Variants in BTBD2 observed in about 807,000 individuals in gnomAD.
BTBD2 encodes the protein BTB/POZ domain-containing protein 2.
BTBD2 carries 15 observed loss-of-function variants against 44.0 expected under a neutral mutation model. The observed-to-expected ratio is 0.34, with a 90% CI of 0.23 to 0.53. The LOEUF (loss-of-function observed/expected upper bound fraction) is 0.53, where lower values mean the gene tolerates loss of function less well. Among genes scored for constraint, BTBD2 ranks in the 20% least tolerant of loss-of-function variants. The pLI, the probability that BTBD2 is intolerant of heterozygous loss-of-function variation, is 0.95. For synonymous variants in BTBD2, 443 were observed against 335.9 expected (o/e 1.32, Z -3.49); for missense variants, 657 against 746.4 (o/e 0.88, Z 1.39).
chr19:1,987,936 G>T (rs2016116079), intron 5 of BTBD2: 2 of 532,088 alleles, frequency 3.8e-6, no homozygotes, highest in Non-Finnish European at 6.7e-6. Context: ...ATGCCTCAGG[G>T]TCTGACAGAT....
intron 1 of BTBD2, among the ~76,000 whole-genome samples, chr19:2,009,959 GC>G (rs1468816824): frequency 6.6e-6 from 1 of 151,974 alleles, no homozygotes; most frequent in Non-Finnish European, 1.5e-5. Flanking sequence ...TTTGAGACTA[GC>G]CCGGCTAACA....
chr19:1,987,469 C>T (rs372507359), intron 6 of BTBD2, 31 bp downstream of exon 6: 44 of 1,524,778 alleles, frequency 2.9e-5, no homozygotes, highest in Admixed American at 6.0e-5. Flanking sequence ...CCCCCATGTC[C>T]GGACCCCCCC....
intron 1 of BTBD2, among the ~76,000 whole-genome samples, chr19:2,010,083 C>T (rs2016445004): frequency 6.6e-6 from 1 of 151,184 alleles, no homozygotes; most frequent in South Asian, 2.1e-4. Context: ...ACCTGGGAGG[C>T]GGAGCTTGCA....
chr19:2,003,313 A>G (rs2016352908), intron 1 of BTBD2: 1 of 151,958 alleles, frequency 6.6e-6, no homozygotes, highest in Admixed American at 6.6e-5. Flanking sequence ...CTCTGCTAAA[A>G]AAGTACAAAA....
Position 1,997,672 on chromosome 19 carries a change from A to C in BTBD2, c.408-209T>G, listed in dbSNP as rs2016269246. Among the ~76,000 whole-genome samples the C allele has an allele frequency of 2.0e-5, 3 of 152,326 alleles. No individual in the cohort carries two copies. The South Asian group carries it at 6.2e-4, about 32-fold the overall frequency. ...AGACGGACCCACGGCAAGGACAGGC[A>C]GGGCTAGGACCATGCCCTGGGCCAC... On this transcript the variant is annotated intron_variant, in intron 1 of 8. Coordinates refer to ENST00000255608, the MANE Select transcript of BTBD2 (RefSeq NM_017797.4).
rs150029711 is a variant in BTBD2, at chr19:2,002,439, C to T, written c.408-4976G>A. On this transcript the variant is annotated intron_variant, in intron 1 of 8. Transcript: ENST00000255608. Reference sequence around the variant, plus strand: ...AGCTCAAGGACGGAGATGTGGGACTCCTGATTTTAGTCAGAGAGAAGTGTG... The same window carrying T: ...AGCTCAAGGACGGAGATGTGGGACTTCTGATTTTAGTCAGAGAGAAGTGTG... The T allele has an allele frequency of 3.3e-5, 5 of 152,294 alleles. No homozygotes were observed. In the East Asian group the frequency reaches 9.6e-4, roughly 29 times the overall value. The allele number at this position is 152,294 out of a possible 1,614,324, so 9.4% of individuals were successfully genotyped here.
At chr19:2,012,390 T>C (rs572138601) in intron 1 of BTBD2, among the ~76,000 whole-genome samples, 4 of 151,966 alleles carry the variant, frequency 2.6e-5, no homozygotes, top group East Asian at 1.9e-4. Context: ...GACCTCGTGA[T>C]CTGCCCGCCT....
chr19:1,987,808 A>T lies in BTBD2; in HGVS notation c.989-116T>A, dbSNP rs2016113924. 6.3e-6 allele frequency: 7 copies of T among 1,108,136 alleles called. No homozygotes were observed. The South Asian group carries it at 1.1e-4, about 18-fold the overall frequency. The allele number at this position is 1,108,136 out of a possible 1,614,324, so 68.6% of individuals were successfully genotyped here. ...TGCGTCGGACTTTCAAGGTGCAGGG[A>T]CCTGGGCAGCCCCTCCCCGGGGGAC... On this transcript the variant is annotated intron_variant, in intron 5 of 8. Coordinates refer to ENST00000255608, the MANE Select transcript of BTBD2 (RefSeq NM_017797.4).
intron 1 of BTBD2, 67 bp from the exon 2 acceptor site, chr19:1,997,530 C>G (rs2016267709): frequency 1.3e-6 from 2 of 1,597,810 alleles, no homozygotes; most frequent in Non-Finnish European, 1.7e-6. Context: ...GAGGGCCAGC[C>G]CGGTATCCTG....
intron 1 of BTBD2, among the ~76,000 whole-genome samples, chr19:2,000,272 G>A (rs971489931): frequency 1.8e-4 from 27 of 148,690 alleles, no homozygotes; most frequent in Non-Finnish European, 2.9e-4. Context: ...CAGGCCTCAG[G>A]GCCCTGCGCC....
At chr19:1,998,641 A>G (rs766243209) in intron 1 of BTBD2, among the ~76,000 whole-genome samples, 25 of 152,090 alleles carry the variant, frequency 1.6e-4, no homozygotes, top group Non-Finnish European at 3.2e-4. Flanking sequence ...GCGTTTGGCC[A>G]GGTCTGTATG....
At chr19:1,989,867 GGTTTCTTCCTATCT>G in intron 5 of BTBD2, 123 bp downstream of exon 5, 1 of 1,021,688 alleles carries the variant, frequency 9.8e-7, no homozygotes, top group Non-Finnish European at 1.4e-6. Context: ...TCACAAGCCA[GGTTTCTTCCTATCT>G]GTATATGCCA....
chr19:2,015,643 C>A lies in BTBD2; in HGVS notation c.61G>T (p.Gly21Cys). The stretch of plus-strand genomic sequence containing the variant: ...CTGGGCCCGGGACTGCCCCCCGTGC[C>A]CGGGCCGACCCCGACCCCCGGCGGG... ...SCPPGVGVGP[G>C]TGGSPGPSAN... The change falls in exon 1 of 9, where the codon GGC becomes TGC. Residue 21 changes from glycine to cysteine, a missense_variant. Transcript: ENST00000255608. 1 of 990,938 alleles carries A rather than the reference C, an allele frequency of 1.0e-6. No individual in the cohort carries two copies. The highest frequency in any genetic ancestry group is 4.5e-5 in the South Asian group (1 of 22,162). The allele number at this position is 990,938 out of a possible 1,614,324, so 61.4% of individuals were successfully genotyped here.
chr19:2,005,864 G>A (rs1455257586), intron 1 of BTBD2, among the ~76,000 whole-genome samples: 1 of 151,986 alleles, frequency 6.6e-6, no homozygotes, highest in Admixed American at 6.6e-5. Flanking sequence ...CAAGTTGGGA[G>A]GATCACCTGA....
intron 3 of BTBD2, 183 bp from the exon 4 acceptor site, chr19:1,991,005 A>T (rs2016169594): frequency 1.7e-6 from 1 of 578,374 alleles, no homozygotes; most frequent in Non-Finnish European, 3.1e-6. Context: ...CTCCCCTGTG[A>T]CCGCTGACTG....
At chr19:1,991,459 TA>T (rs2145623803) in intron 3 of BTBD2, among the ~76,000 whole-genome samples, 2 of 152,290 alleles carry the variant, frequency 1.3e-5, no homozygotes, top group Middle Eastern at 3.4e-3. Context: ...GTAGTGGTTT[TA>T]GGGGCAGGGA....
At position 1,986,344 on chromosome 19, in the gene BTBD2, T is replaced by G. The variant is rs2016080596; in HGVS notation, c.*144A>C. On this transcript the variant is annotated 3_prime_UTR_variant, in exon 9 of 9. Transcript: ENST00000255608. ...TGAACACAGGGCAACCCCGTCCTGA[T>G]GCTGAGAAAGGTGGCATGGAGTGGA... The G allele has an allele frequency of 3.8e-6, 4 of 1,058,938 alleles. No homozygotes were observed. Among genetic ancestry groups the G allele is most frequent in the Non-Finnish European group, 2.8e-6 (2 of 719,442 alleles). The allele number at this position is 1,058,938 out of a possible 1,614,324, so 65.6% of individuals were successfully genotyped here. A position where few individuals can be genotyped will look rare whatever the true frequency, so the allele number is the denominator to read the frequency against.
At chr19:1,989,647 C>T (rs2016144252) in intron 5 of BTBD2, 2 of 322,548 alleles carry the variant, frequency 6.2e-6, no homozygotes, top group African/African-American at 2.1e-5. Context: ...GCATGACAGC[C>T]ACCCCGGCCA....
intron 3 of BTBD2, chr19:1,991,034 G>A (rs2016169942): frequency 7.5e-6 from 4 of 533,786 alleles, no homozygotes; most frequent in South Asian, 4.3e-5. Context: ...GAGTTGGGGA[G>A]TTCCCTCTCA....
Sources: allele counts gnomAD v4.1 joint callset (sites outside exome capture counted in the v4.1 genomes callset), GRCh38; gene constraint gnomAD v4.1.1; transcripts MANE v1.5; gene names NCBI Gene and HGNC (gene_info 2026-07-23, HGNC 2026-07-21).